Variants in CSMD3 observed in about 807,000 individuals in gnomAD.
CSMD3 encodes CUB and Sushi multiple domains 3.
A neutral mutation model predicts 435.2 loss-of-function variants in CSMD3; 177 were observed. The ratio of observed to expected loss-of-function variants is 0.41; its 90% CI spans 0.36 to 0.46. The LOEUF is 0.46. CSMD3 is among the 20% of genes least tolerant of loss of function. The pLI is 0.34. For missense variants in CSMD3, 4,265 were observed against 4,504.6 expected, an observed-to-expected ratio of 0.95 and a Z score of 1.52; for synonymous variants, 1,656 against 1,520.5, an observed-to-expected ratio of 1.09 and a Z score of -2.07.
At chr8:112,955,622 A>G (rs1033955551) in intron 7 of CSMD3, among the ~76,000 whole-genome samples, 9 of 151,722 alleles carry the variant, frequency 5.9e-5, no homozygotes, top group African/African-American at 1.4e-4. Flanking sequence ...TTATCCTTCT[A>G]TCTTACTGTA....
chr8:112,227,870 G>A (rs567678254), intron 70 of CSMD3, among the ~76,000 whole-genome samples: 93 of 152,068 alleles, frequency 6.1e-4, no homozygotes, highest in Non-Finnish European at 1.0e-3. Flanking sequence ...GTGAAACCCC[G>A]TCTCTACTAA....
chr8:112,454,599 A>G (rs964116267), intron 32 of CSMD3, among the ~76,000 whole-genome samples: 2 of 152,166 alleles, frequency 1.3e-5, no homozygotes, highest in Non-Finnish European at 2.9e-5. Flanking sequence ...ACAGATATCG[A>G]TGAGGCTGTT....
intron 22 of CSMD3, among the ~76,000 whole-genome samples, chr8:112,627,405 C>G (rs4242550): frequency 0.49 from 74,493 of 151,774 alleles, 18,907 homozygotes; most frequent in African/African-American, 0.59. Flanking sequence ...AATTCTTTCT[C>G]GTGTGAGAGT....
intron 4 of CSMD3, among the ~76,000 whole-genome samples, chr8:113,160,501 C>T (rs1158923983): frequency 6.6e-6 from 1 of 151,884 alleles, no homozygotes; most frequent in Non-Finnish European, 1.5e-5. Context: ...TTAACTATTT[C>T]CTCATCTATG....
At chr8:112,281,152 T>C in intron 59 of CSMD3, 22 bp downstream of exon 59, 1 of 1,563,052 alleles carries the variant, frequency 6.4e-7, no homozygotes, top group Non-Finnish European at 8.8e-7. Flanking sequence ...TACTGATTTT[T>C]AAATATTGAG....
chr8:112,955,105 T>C (rs2083967228), intron 7 of CSMD3, among the ~76,000 whole-genome samples: 1 of 151,648 alleles, frequency 6.6e-6, no homozygotes. Flanking sequence ...TAAATTAAAC[T>C]AGCAAAGTAA....
chr8:112,418,883 C>T (rs1380718648), intron 32 of CSMD3, among the ~76,000 whole-genome samples: 2 of 152,058 alleles, frequency 1.3e-5, no homozygotes, highest in African/African-American at 4.8e-5. Context: ...ATGTGACGGT[C>T]ACAAATATTA....
rs147861313 is a variant in CSMD3, at chr8:112,237,238, T to C, written c.10579A>G (p.Arg3527Gly). ...TVTSFNASTG[R>G]VNATLSNSNM... ...CTATTGCTCAGTGTTGCGTTAACTC[T>C]CCCAGTGGAAGCATTGAAACTAGTA... Residue 3527 changes from arginine (R) to glycine (G), a missense_variant, in exon 67 of 71, where the codon AGA (arginine) becomes GGA (glycine). Physicochemically the swap from Arg to Gly is moderately radical, Grantham distance 125. This residue lies in a region of CSMD3 where 3,255 missense variants were observed against 3,380.2 expected (regional missense o/e 0.96). Transcript: ENST00000297405. 6.6e-5 allele frequency: 106 copies of C among 1,613,488 alleles called. No homozygotes were observed. Among genetic ancestry groups the C allele is most frequent in the Non-Finnish European group, 8.6e-5 (101 of 1,179,646 alleles).
Position 113,124,317 on chromosome 8 carries a change from C to G in CSMD3, c.710-25354G>C, listed in dbSNP as rs573708497. Among the ~76,000 whole-genome samples the G allele has an allele frequency of 5.3e-5, 8 of 152,044 alleles. No individual in the cohort carries two copies. In the East Asian group the frequency reaches 1.4e-3, roughly 26 times the overall value. On this transcript the variant is annotated intron_variant, in intron 4 of 70. Coordinates refer to ENST00000297405, the MANE Select transcript of CSMD3 (RefSeq NM_198123.2). ...CAGAGGAATAAACATGATCAGTTTACATTACTTATAGACTCCATAAGACAC... is the reference window on the plus strand; with the variant it reads ...CAGAGGAATAAACATGATCAGTTTAGATTACTTATAGACTCCATAAGACAC...
chr8:112,548,431 T>A (rs1255849530), intron 27 of CSMD3, among the ~76,000 whole-genome samples: 2 of 152,164 alleles, frequency 1.3e-5, no homozygotes, highest in African/African-American at 4.8e-5. Context: ...AATACTGTAA[T>A]AATAACTACT....
intron 27 of CSMD3, among the ~76,000 whole-genome samples, chr8:112,549,900 A>G (rs1827527323): frequency 6.6e-6 from 1 of 152,042 alleles, no homozygotes; most frequent in South Asian, 2.1e-4. Context: ...TGATCATAGA[A>G]ACATTGACAC....
intron 36 of CSMD3, among the ~76,000 whole-genome samples, chr8:112,390,455 A>G (rs1246921423): frequency 6.6e-6 from 1 of 152,166 alleles, no homozygotes; most frequent in African/African-American, 2.4e-5. Flanking sequence ...TGGGGTTAAC[A>G]CATTTTTTTT....
chr8:113,106,214 T>C (rs1019197309), intron 4 of CSMD3, among the ~76,000 whole-genome samples: 1 of 152,060 alleles, frequency 6.6e-6, no homozygotes, highest in Admixed American at 6.6e-5. Context: ...TATTTACTAT[T>C]TAGCCCTTTT....
chr8:113,154,081 T>C (rs901787745), intron 4 of CSMD3, among the ~76,000 whole-genome samples: 1 of 152,082 alleles, frequency 6.6e-6, no homozygotes, highest in African/African-American at 2.4e-5. Context: ...TGTATAGTTC[T>C]TTTTTATTTG....
rs143378866 is a variant in CSMD3, at chr8:112,530,274, G to A, written c.4565-13049C>T. The stretch of plus-strand genomic sequence containing the variant: ...TAGCTAAAATTTTCCCAAACCTGGA[G>A]AATGAAATGAACATCCAGACCCAAG... On this transcript the variant is annotated intron_variant, in intron 27 of 70. Coordinates refer to ENST00000297405, the MANE Select transcript of CSMD3 (RefSeq NM_198123.2). Among the ~76,000 whole-genome samples the A allele has an allele frequency of 1.1e-3, 166 of 152,234 alleles. 2 individuals carry two copies. In the East Asian group the frequency reaches 0.02, roughly 18 times the overall value.
chr8:113,086,798 T>C (rs2089799479), intron 5 of CSMD3, among the ~76,000 whole-genome samples: 2 of 152,178 alleles, frequency 1.3e-5, no homozygotes, highest in African/African-American at 4.8e-5. Context: ...TACTATGATC[T>C]GTATTTTCCT....
chr8:112,534,795 A>C (rs914944601), intron 27 of CSMD3, among the ~76,000 whole-genome samples: 1 of 152,132 alleles, frequency 6.6e-6, no homozygotes, highest in Non-Finnish European at 1.5e-5. Context: ...AATACTGGCA[A>C]ACCGAATCCA....
At chr8:112,760,268 A>G (rs2077806506) in intron 13 of CSMD3, among the ~76,000 whole-genome samples, 1 of 152,182 alleles carries the variant, frequency 6.6e-6, no homozygotes, top group Admixed American at 6.5e-5. Context: ...ATTCTTCAAG[A>G]GCAGTCACTG....
At chr8:112,988,514 G>T (rs1281368730) in intron 6 of CSMD3, among the ~76,000 whole-genome samples, 1 of 151,924 alleles carries the variant, frequency 6.6e-6, no homozygotes, top group Non-Finnish European at 1.5e-5. Flanking sequence ...ACTCATCTTT[G>T]CAAAGTATCT....
Sources: allele counts gnomAD v4.1 joint callset (sites outside exome capture counted in the v4.1 genomes callset), GRCh38; gene constraint gnomAD v4.1.1; regional missense constraint gnomAD v4.1.1; transcripts MANE v1.5; gene names NCBI Gene and HGNC (gene_info 2026-07-23, HGNC 2026-07-21).